SLC35F3: variants seen among roughly 807,000 people sequenced by gnomAD.
SLC35F3 encodes putative thiamine transporter SLC35F3.
SLC35F3 carries 25 observed loss-of-function variants against 49.9 expected under a neutral mutation model. That is an observed-to-expected ratio of 0.50 (90% CI 0.37 to 0.70). The LOEUF (loss-of-function observed/expected upper bound fraction) is 0.70, where lower values mean the gene tolerates loss of function less well. Ranked by LOEUF, SLC35F3 falls within the 30% of genes least tolerant of loss-of-function variation. The pLI, the probability that SLC35F3 is intolerant of heterozygous loss-of-function variation, is 0.00. For missense variants in SLC35F3, 525 were observed against 639.8 expected (o/e 0.82, Z 1.94); for synonymous variants, 275 against 265.4 (o/e 1.04, Z -0.35).
intron 2 of SLC35F3, among the ~76,000 whole-genome samples, chr1:234,018,760 A>G (rs1354186083): frequency 1.3e-5 from 2 of 152,182 alleles, no homozygotes; most frequent in Admixed American, 6.5e-5. Context: ...ATTCATTTCA[A>G]TTGACTTTTC....
intron 2 of SLC35F3, among the ~76,000 whole-genome samples, chr1:234,205,582 G>C (rs890643023): frequency 6.6e-6 from 1 of 152,220 alleles, no homozygotes; most frequent in African/African-American, 2.4e-5. Flanking sequence ...TTTCTCTGAA[G>C]CCAGTCTGAG....
intron 2 of SLC35F3, among the ~76,000 whole-genome samples, chr1:234,035,604 C>A (rs1664130462): frequency 6.6e-6 from 1 of 152,114 alleles, no homozygotes; most frequent in Non-Finnish European, 1.5e-5. Flanking sequence ...CATGACCTGG[C>A]CCTGGCCCTC....
intron 2 of SLC35F3, among the ~76,000 whole-genome samples, chr1:234,038,987 T>A (rs1438802183): frequency 2.0e-5 from 3 of 152,192 alleles, no homozygotes; most frequent in Non-Finnish European, 2.9e-5. Flanking sequence ...CATGGAGAAA[T>A]GCAGTTCTAT....
At position 233,979,773 on chromosome 1, in the gene SLC35F3, C is replaced by T. The variant is rs145871160; in HGVS notation, c.283+74015C>T. ...GTTATGGGTTCTGAACAGGCTGCACCGGTCTGATGCAGAAGGGTGATATGT... is the reference window on the plus strand; with the variant it reads ...GTTATGGGTTCTGAACAGGCTGCACTGGTCTGATGCAGAAGGGTGATATGT... On this transcript the variant is annotated intron_variant, in intron 2 of 7. Coordinates refer to ENST00000366618, the MANE Select transcript of SLC35F3 (RefSeq NM_173508.4). 1.2e-4 allele frequency among the ~76,000 whole-genome samples: 19 copies of T among 152,252 alleles called. No individual in the cohort carries two copies. In the East Asian group the frequency reaches 2.3e-3, roughly 19 times the overall value.
intron 2 of SLC35F3, among the ~76,000 whole-genome samples, chr1:234,117,270 A>G (rs1222779954): frequency 6.6e-6 from 1 of 152,128 alleles, no homozygotes; most frequent in African/African-American, 2.4e-5. Flanking sequence ...TCTGGTTTGA[A>G]GGGTTTCATG....
chr1:233,928,697 C>T (rs2102792096), intron 2 of SLC35F3, among the ~76,000 whole-genome samples: 2 of 152,228 alleles, frequency 1.3e-5, no homozygotes, highest in Middle Eastern at 3.4e-3. Context: ...TGTTGAAAGT[C>T]TTGACTTACA....
chr1:234,211,290 C>A (rs1000094779), intron 2 of SLC35F3, among the ~76,000 whole-genome samples: 4 of 152,178 alleles, frequency 2.6e-5, no homozygotes, highest in Admixed American at 2.0e-4. Flanking sequence ...GGGTCAGAGC[C>A]CACACACACA....
At chr1:233,997,216 G>A (rs1160739332) in intron 2 of SLC35F3, among the ~76,000 whole-genome samples, 1 of 152,132 alleles carries the variant, frequency 6.6e-6, no homozygotes, top group Non-Finnish European at 1.5e-5. Flanking sequence ...GTGAACATGG[G>A]CGTGCAGACA....
At position 234,323,196 on chromosome 1, in the gene SLC35F3, G is replaced by A; in HGVS notation, c.1426G>A (p.Gly476Arg). The change falls in exon 8 of 8, where the codon GGA becomes AGA. Residue 476 changes from glycine (G) to arginine (R), a missense_variant. By Grantham distance (125) the Gly-to-Arg change is moderately radical (BLOSUM62 -2). Around this residue, in one of 4 missense-constraint regions of SLC35F3, gnomAD observed 76 missense variants for 95.6 expected, o/e 0.80. Coordinates refer to ENST00000366618, the MANE Select transcript of SLC35F3 (RefSeq NM_173508.4). The surrounding 1 kb of genome is among the most constrained non-coding windows in gnomAD (Gnocchi z 4.5). ...PAEGAADLSSGPQSKNRRARP... is the reference protein window; with the variant it reads ...PAEGAADLSSRPQSKNRRARP... ...AGAGGGCGCTGCCGACCTGAGCTCA[G>A]GACCTCAGAGCAAGAACAGAAGAGC... 6.2e-7 allele frequency: 1 copy of A among 1,614,138 alleles called. No homozygotes were observed. Among genetic ancestry groups the A allele is most frequent in the Non-Finnish European group, 8.5e-7 (1 of 1,180,038 alleles).
intron 2 of SLC35F3, among the ~76,000 whole-genome samples, chr1:233,994,392 G>A (rs1311797212): frequency 6.6e-6 from 1 of 152,132 alleles, no homozygotes; most frequent in African/African-American, 2.4e-5. Flanking sequence ...TTATACTCAG[G>A]TTGCTACAAC....
chr1:233,984,242 G>T (rs771076157), intron 2 of SLC35F3, among the ~76,000 whole-genome samples: 1 of 152,166 alleles, frequency 6.6e-6, no homozygotes, highest in Non-Finnish European at 1.5e-5. Flanking sequence ...TAAGATTTGG[G>T]CTAAAACCCA....
chr1:234,157,309 C>G (rs1020128577), intron 2 of SLC35F3, among the ~76,000 whole-genome samples: 2 of 152,134 alleles, frequency 1.3e-5, no homozygotes, highest in Admixed American at 1.3e-4. Flanking sequence ...CTGCAGTCGA[C>G]TTTCCACGCA....
intron 2 of SLC35F3, among the ~76,000 whole-genome samples, chr1:234,055,996 T>C (rs1489357417): frequency 1.3e-5 from 2 of 152,192 alleles, no homozygotes; most frequent in Admixed American, 6.5e-5. Context: ...TTGACAATTA[T>C]ATTGTCCTGT....
chr1:234,311,473 C>A (rs1657352680), intron 4 of SLC35F3, among the ~76,000 whole-genome samples: 1 of 152,172 alleles, frequency 6.6e-6, no homozygotes, highest in South Asian at 2.1e-4. Flanking sequence ...GAGAGTCAAG[C>A]AGACATAAAA....
intron 2 of SLC35F3, among the ~76,000 whole-genome samples, chr1:234,190,514 G>A (rs1006375809): frequency 2.6e-5 from 4 of 152,150 alleles, no homozygotes; most frequent in Non-Finnish European, 2.9e-5. Flanking sequence ...ACAGGAAAAT[G>A]TCACAATCAT....
At chr1:234,268,316 G>T (rs936355021) in intron 3 of SLC35F3, among the ~76,000 whole-genome samples, 1 of 147,294 alleles carries the variant, frequency 6.8e-6, no homozygotes, top group Non-Finnish European at 1.5e-5. Context: ...CCAGTCAGGC[G>T]TGGCGGCGCG....
At chr1:234,149,930 G>A (rs1006496383) in intron 2 of SLC35F3, among the ~76,000 whole-genome samples, 1 of 152,192 alleles carries the variant, frequency 6.6e-6, no homozygotes. Flanking sequence ...CCTTCCAGCA[G>A]GGCTGGTGAT....
intron 2 of SLC35F3, among the ~76,000 whole-genome samples, chr1:233,919,247 G>A (rs549981699): frequency 2.2e-4 from 33 of 152,258 alleles, no homozygotes; most frequent in African/African-American, 7.0e-4. Flanking sequence ...GAGGGAAGGT[G>A]GAAATTCTTT....
chr1:234,043,052 A>G (rs925051623), intron 2 of SLC35F3, among the ~76,000 whole-genome samples: 8 of 152,226 alleles, frequency 5.3e-5, no homozygotes, highest in Admixed American at 2.0e-4. Context: ...TGTAACCACC[A>G]TCTAGTTGTA....
Sources: gnomAD v4.1 joint callset for allele counts (sites outside exome capture counted in the v4.1 genomes callset) on GRCh38, gnomAD v4.1.1 for gene constraint, gnomAD v4.1.1 regional missense constraint, Gnocchi (gnomAD v3.1) non-coding constraint, MANE v1.5 for transcripts, NCBI Gene and HGNC (gene_info 2026-07-23, HGNC 2026-07-21) for gene names.